The following GRID2 variants were observed in gnomAD, a reference collection of about 807,000 sequenced individuals.
GRID2 encodes glutamate receptor ionotropic, delta-2.
Under a neutral mutation model 114.8 loss-of-function variants are expected in GRID2, and 33 were observed. That is an observed-to-expected ratio of 0.29 (90% confidence interval 0.22 to 0.38). The LOEUF (loss-of-function observed/expected upper bound fraction) is 0.38. Ranked by LOEUF, GRID2 falls within the 10% of genes least tolerant of loss-of-function variation. The probability of loss-of-function intolerance (pLI) is 1.00; values close to 1 mark genes in which losing one functional copy is unlikely to be tolerated. For missense variants in GRID2, 1,184 were observed against 1,257.7 expected (o/e 0.94, Z 0.89); for synonymous variants, 505 against 449.9 (o/e 1.12, Z -1.55).
chr4:93,052,352 T>A (rs534104977), intron 2 of GRID2, among the ~76,000 whole-genome samples: 1 of 152,034 alleles, frequency 6.6e-6, no homozygotes, highest in East Asian at 1.9e-4. Context: ...CACTTAATGA[T>A]GGGATATGTT....
chr4:92,619,522 G>A (rs1560493328), intron 2 of GRID2, among the ~76,000 whole-genome samples: 1 of 151,484 alleles, frequency 6.6e-6, no homozygotes, highest in East Asian at 2.0e-4. Context: ...GGCCTTCCTT[G>A]ATTTTTTTAA....
intron 8 of GRID2, among the ~76,000 whole-genome samples, chr4:93,280,602 T>G (rs894533765): frequency 2.0e-5 from 3 of 151,968 alleles, no homozygotes; most frequent in Non-Finnish European, 4.4e-5. Flanking sequence ...TTCTCTTGAG[T>G]ATGTGGTTTA....
At chr4:92,979,892 T>A (rs1314630780) in intron 2 of GRID2, among the ~76,000 whole-genome samples, 2 of 152,202 alleles carry the variant, frequency 1.3e-5, no homozygotes, top group Admixed American at 6.5e-5. Flanking sequence ...ATTTAGTCTC[T>A]TGTATGGTAC....
chr4:93,023,093 TTGTG>T (rs370431407), intron 2 of GRID2, among the ~76,000 whole-genome samples: 10,258 of 143,848 alleles, frequency 0.071, 377 homozygotes, highest in African/African-American at 0.084. Flanking sequence ...CAGAGAACAT[TTGTG>T]TGTGTGTGTG....
At chr4:93,231,030 GA>G (rs907877223) in intron 7 of GRID2, among the ~76,000 whole-genome samples, 10 of 151,916 alleles carry the variant, frequency 6.6e-5, no homozygotes, top group Admixed American at 2.0e-4. Context: ...AGCTGTTCTG[GA>G]AAAAAGTAGG....
At chr4:92,999,868 A>G (rs774483293) in intron 2 of GRID2, among the ~76,000 whole-genome samples, 15 of 151,652 alleles carry the variant, frequency 9.9e-5, no homozygotes, top group Non-Finnish European at 1.5e-4. Flanking sequence ...AGATATATTT[A>G]AAATATGACA....
intron 8 of GRID2, among the ~76,000 whole-genome samples, chr4:93,304,268 A>T (rs900135232): frequency 2.0e-5 from 3 of 148,054 alleles, no homozygotes; most frequent in Non-Finnish European, 3.0e-5. Flanking sequence ...ATATATATAT[A>T]TATATATATA....
intron 1 of GRID2, among the ~76,000 whole-genome samples, chr4:92,433,494 A>G (rs1469987300): frequency 1.3e-5 from 2 of 152,038 alleles, no homozygotes; most frequent in Non-Finnish European, 2.9e-5. Context: ...TGCCAGCTGA[A>G]TTTTGCCCTG....
At chr4:92,759,825 C>T (rs1414497485) in intron 2 of GRID2, among the ~76,000 whole-genome samples, 2 of 149,750 alleles carry the variant, frequency 1.3e-5, no homozygotes, top group Admixed American at 6.7e-5. Context: ...CGGGGTTTCA[C>T]CATGTTAGTC....
chr4:93,671,104 T>C (rs1349439639), intron 14 of GRID2, among the ~76,000 whole-genome samples: 1 of 152,164 alleles, frequency 6.6e-6, no homozygotes, highest in Admixed American at 6.5e-5. Flanking sequence ...AACTGTCCTA[T>C]TTTAATAGAG....
At position 92,966,926 on chromosome 4, in the gene GRID2, G is replaced by C. The variant is rs1753194001; in HGVS notation, c.245-118069G>C. 1.3e-5 allele frequency among the ~76,000 whole-genome samples: 2 copies of C among 151,880 alleles called. 1 individual carries two copies. Among genetic ancestry groups the C allele is most frequent in the African/African-American group, 4.8e-5 (2 of 41,372 alleles). Reference sequence around the variant, plus strand: ...TTATCCTAAACAATACAATGATTATGAGGTTGATCTGATATAGGCACCGTT... The same window carrying C: ...TTATCCTAAACAATACAATGATTATCAGGTTGATCTGATATAGGCACCGTT... On this transcript the variant is annotated intron_variant, in intron 2 of 15. Coordinates refer to ENST00000282020, the MANE Select transcript of GRID2 (RefSeq NM_001510.4).
chr4:93,398,353 T>G (rs1765558205), intron 9 of GRID2, among the ~76,000 whole-genome samples: 1 of 151,302 alleles, frequency 6.6e-6, no homozygotes. Flanking sequence ...AGACAGTAAG[T>G]AGCAGAGTTA....
chr4:93,138,471 G>C (rs1240259612), intron 4 of GRID2, among the ~76,000 whole-genome samples: 1 of 151,996 alleles, frequency 6.6e-6, no homozygotes, highest in East Asian at 1.9e-4. Flanking sequence ...AGCATATCCA[G>C]CCAAAATATT....
At chr4:93,202,695 G>A (rs962998660) in intron 4 of GRID2, among the ~76,000 whole-genome samples, 5 of 152,042 alleles carry the variant, frequency 3.3e-5, no homozygotes, top group Non-Finnish European at 7.4e-5. Context: ...AAACAATCAG[G>A]TGAATTGATT....
intron 2 of GRID2, among the ~76,000 whole-genome samples, chr4:93,078,718 TA>T (rs1232960386): frequency 8.1e-6 from 1 of 123,352 alleles, no homozygotes. Context: ...CTGTATATAC[TA>T]AATATAATTA....
intron 12 of GRID2, among the ~76,000 whole-genome samples, chr4:93,507,839 A>G (rs1043957647): frequency 1.3e-5 from 2 of 152,140 alleles, no homozygotes; most frequent in African/African-American, 4.8e-5. Context: ...CTCTGAATTT[A>G]TTTATTTTAC....
At chr4:93,419,993 A>G (rs1401287364) in intron 9 of GRID2, among the ~76,000 whole-genome samples, 1 of 152,128 alleles carries the variant, frequency 6.6e-6, no homozygotes, top group African/African-American at 2.4e-5. Flanking sequence ...CATATCGAAG[A>G]GTGTTATTCA....
intron 3 of GRID2, among the ~76,000 whole-genome samples, chr4:93,106,889 G>C (rs1306843880): frequency 2.0e-5 from 3 of 152,120 alleles, no homozygotes; most frequent in Admixed American, 2.0e-4. Flanking sequence ...AAATAGTCAT[G>C]TTCTTTACTA....
intron 2 of GRID2, among the ~76,000 whole-genome samples, chr4:92,740,761 T>C (rs113409695): frequency 0.018 from 2,690 of 150,772 alleles, 92 homozygotes; most frequent in African/African-American, 0.062. Context: ...GATAGACAGA[T>C]AGATAGATAG....
Sources: allele counts gnomAD v4.1 joint callset (sites outside exome capture counted in the v4.1 genomes callset), GRCh38; gene constraint gnomAD v4.1.1; transcripts MANE v1.5; gene names NCBI Gene and HGNC (gene_info 2026-07-23, HGNC 2026-07-21).